The following VEZF1 variants were observed in gnomAD, a reference collection of about 807,000 sequenced individuals.
The protein encoded by VEZF1 is putative transcription factor DB1.
VEZF1 carries 5 observed loss-of-function variants against 44.1 expected under a neutral mutation model. The ratio of observed to expected loss-of-function variants is 0.11; its 90% CI spans 0.06 to 0.24. The LOEUF (loss-of-function observed/expected upper bound fraction) is 0.24, where lower values mean the gene tolerates loss of function less well. VEZF1 is among the 10% of genes least tolerant of loss of function. The pLI is 1.00. For synonymous variants in VEZF1, 236 were observed against 233.1 expected (o/e 1.01, Z -0.11); for missense variants, 358 against 641.8 (o/e 0.56, Z 4.78).
intron 5 of VEZF1, 107 bp from the exon 6 acceptor site, chr17:57,975,007 T>C: frequency 1.6e-6 from 2 of 1,280,390 alleles, no homozygotes; most frequent in East Asian, 5.0e-5. Flanking sequence ...ATTTAATAAA[T>C]CAAATTCCAG....
intron 4 of VEZF1, 112 bp downstream of exon 4, chr17:57,980,491 G>T: frequency 9.8e-7 from 1 of 1,020,880 alleles, no homozygotes; most frequent in Non-Finnish European, 1.5e-6. Flanking sequence ...GCACATGTTG[G>T]CAATAGGAGG....
rs999269880 is a variant in VEZF1 at position 57,972,141 on chromosome 17, T to A, written c.*2332A>T. On this transcript the variant is annotated 3_prime_UTR_variant, in exon 6 of 6. Transcript: ENST00000581208. ...AATGAAGTCTCACTCCTGTTTATTATACAATGAATTGATAAAACAATTACT... is the reference window on the plus strand; with the variant it reads ...AATGAAGTCTCACTCCTGTTTATTAAACAATGAATTGATAAAACAATTACT... 2.6e-5 allele frequency: 4 copies of A among 152,650 alleles called. No individual in the cohort carries two copies. The highest frequency in any genetic ancestry group is 5.9e-5 in the Non-Finnish European group (4 of 68,032). 9.5% of individuals were successfully genotyped at this position (152,650 alleles called of 1,614,324 possible). A position where few individuals can be genotyped will look rare whatever the true frequency, so the allele number is the denominator to read the frequency against.
chr17:57,978,244 AG>A (rs1197414510), intron 5 of VEZF1, among the ~76,000 whole-genome samples: 1 of 152,098 alleles, frequency 6.6e-6, no homozygotes, highest in Non-Finnish European at 1.5e-5. Context: ...ACTCTGAGGA[AG>A]GGAAGAGCCA....
intron 4 of VEZF1, among the ~76,000 whole-genome samples, chr17:57,979,617 C>T (rs546123622): frequency 1.3e-5 from 2 of 149,552 alleles, no homozygotes; most frequent in East Asian, 3.9e-4. Context: ...TAGGACTAAT[C>T]AACATTCAAC....
intron 1 of VEZF1, among the ~76,000 whole-genome samples, chr17:57,986,706 T>C (rs868531779): frequency 6.6e-5 from 10 of 152,306 alleles, no homozygotes; most frequent in Admixed American, 4.6e-4. Flanking sequence ...GTCTACACAG[T>C]AGGTAATTTC....
intron 5 of VEZF1, 44 bp from the exon 6 acceptor site, chr17:57,974,944 A>G: frequency 1.9e-6 from 3 of 1,548,056 alleles, no homozygotes; most frequent in Non-Finnish European, 2.6e-6. Flanking sequence ...CAAAACAGTG[A>G]GCAAAATTCA....
intron 4 of VEZF1, among the ~76,000 whole-genome samples, chr17:57,980,324 AT>A (rs1165450568): frequency 1.3e-5 from 2 of 152,242 alleles, no homozygotes; most frequent in Non-Finnish European, 2.9e-5. Context: ...TCAAGTGGAT[AT>A]GATATCTCAT....
rs766462299 is a variant in VEZF1 at position 57,983,189 on chromosome 17, T to C, written c.238A>G (p.Ser80Gly). 3.7e-6 allele frequency: 6 copies of C among 1,613,996 alleles called. No individual in the cohort carries two copies. The highest frequency in any genetic ancestry group is 5.1e-6 in the Non-Finnish European group (6 of 1,179,996). The stretch of plus-strand genomic sequence containing the variant: ...TGATAGCTGTCCCTGAAAGCTTTAC[T>C]GCAGTAAGTGCACACAAATGAAGTT... Reference protein sequence around the residue: ...PKTSFVCTYCSKAFRDSYHLR... With the variant: ...PKTSFVCTYCGKAFRDSYHLR... The change falls in exon 2 of 6, where the codon AGT (serine) becomes GGT (glycine). Residue 80 changes from serine to glycine, a missense_variant. By Grantham distance (56) the Ser-to-Gly change is moderately conservative. This residue lies in a region of VEZF1 where 117 missense variants were observed against 207.2 expected (regional missense o/e 0.56). Coordinates refer to ENST00000581208, the MANE Select transcript of VEZF1 (RefSeq NM_007146.3).
At chr17:57,987,010 A>G (rs964585312) in intron 1 of VEZF1, among the ~76,000 whole-genome samples, 1 of 152,254 alleles carries the variant, frequency 6.6e-6, no homozygotes, top group Non-Finnish European at 1.5e-5. Context: ...TAGGAAAAAA[A>G]TAAGTTCCAG....
chr17:57,981,781 A>C, intron 3 of VEZF1, 92 bp downstream of exon 3: 1 of 1,221,000 alleles, frequency 8.2e-7, no homozygotes, highest in Non-Finnish European at 1.2e-6. Flanking sequence ...TGATTTTAAG[A>C]CTATTCAAGA....
At chr17:57,981,480 C>T (rs1214946036) in intron 3 of VEZF1, among the ~76,000 whole-genome samples, 1 of 152,084 alleles carries the variant, frequency 6.6e-6, no homozygotes, top group Non-Finnish European at 1.5e-5. Flanking sequence ...TAAGTGGTAA[C>T]ATTTGGGAGA....
At chr17:57,984,027 T>C (rs2075274213) in intron 1 of VEZF1, among the ~76,000 whole-genome samples, 1 of 152,240 alleles carries the variant, frequency 6.6e-6, no homozygotes, top group African/African-American at 2.4e-5. Flanking sequence ...GGAAGGCATC[T>C]GTGAAGGCAG....
chr17:57,974,820 C>T lies in VEZF1; in HGVS notation c.1219G>A (p.Val407Met), dbSNP rs2075172724. 1.2e-6 allele frequency: 2 copies of T among 1,614,060 alleles called. No individual in the cohort carries two copies. Among genetic ancestry groups the T allele is most frequent in the Non-Finnish European group, 1.7e-6 (2 of 1,180,052 alleles). ...GGGTTTGACATAGTCCCAGACGACA[C>T]AGAGGATGTTATACTGAATGGAGTA... The part of the protein sequence containing the change: ...LTTPFSITSS[V>M]SSGTMSNPVT... The change falls in exon 6 of 6, where the codon GTG becomes ATG. Residue 407 changes from valine (V) to methionine (M), a missense_variant. Physicochemically the swap from Val to Met is conservative, Grantham distance 21. Coordinates refer to ENST00000581208, the MANE Select transcript of VEZF1 (RefSeq NM_007146.3).
rs1253820516 is a variant in VEZF1, at chr17:57,974,887, C to A, written c.1152G>T (p.Leu384=). The A allele has an allele frequency of 1.2e-6, 2 of 1,606,352 alleles. No individual in the cohort carries two copies. Among genetic ancestry groups the A allele is most frequent in the African/African-American group, 1.3e-5 (1 of 74,696 alleles). ...TCGTAGCAGCCGTGGAGGTTTGGCA[C>A]AGGTTAGCAGCTTCTAAAATAAGAA... ...VKARKKEAAN[L]CQTSTAATTP... Residue 384 remains leucine (L), a synonymous_variant, in exon 6 of 6, where the codon CTG becomes CTT. Coordinates refer to ENST00000581208, the MANE Select transcript of VEZF1 (RefSeq NM_007146.3).
Position 57,980,607 on chromosome 17 carries a change from A to G in VEZF1, c.972T>C (p.Ser324=). ...INCNTCKQGI[S]KTCMSEETSN... Reference sequence around the variant, plus strand: ...AAAATCTGAAGCACCACCTACTTTTACTGATGCCTTGTTTACATGTATTAC... The same window carrying G: ...AAAATCTGAAGCACCACCTACTTTTGCTGATGCCTTGTTTACATGTATTAC... Residue 324 remains serine, a synonymous_variant, in exon 4 of 6, where the codon AGT becomes AGC. Coordinates refer to ENST00000581208, the MANE Select transcript of VEZF1 (RefSeq NM_007146.3). 1 of 1,612,306 alleles carries G rather than the reference A, an allele frequency of 6.2e-7. No individual in the cohort carries two copies. The highest frequency in any genetic ancestry group is 8.5e-7 in the Non-Finnish European group (1 of 1,179,848).
chr17:57,983,545 G>C, intron 1 of VEZF1, 152 bp from the exon 2 acceptor site: 1 of 696,646 alleles, frequency 1.4e-6, no homozygotes, highest in South Asian at 2.0e-5. Flanking sequence ...GTTACTCTAA[G>C]AGCTCACAAT....
In VEZF1 at chr17:57,973,171, T is replaced by C. The variant is rs1265898492; in HGVS notation, c.*1302A>G. 6.6e-6 allele frequency: 1 copy of C among 152,190 alleles called. No homozygotes were observed. The highest frequency in any genetic ancestry group is 1.9e-4 in the East Asian group (1 of 5,200). 9.4% of individuals were successfully genotyped at this position (152,190 alleles called of 1,614,324 possible). On this transcript the variant is annotated 3_prime_UTR_variant, in exon 6 of 6. Coordinates refer to ENST00000581208, the MANE Select transcript of VEZF1 (RefSeq NM_007146.3). ...TTTCCCTAGCTTTTGGTTTCTACTTTATGTACAGAGATAAAATATCTTGCT... is the reference window on the plus strand; with the variant it reads ...TTTCCCTAGCTTTTGGTTTCTACTTCATGTACAGAGATAAAATATCTTGCT...
In VEZF1 at chr17:57,983,246, C is replaced by A; in HGVS notation, c.181G>T (p.Asp61Tyr). The A allele has an allele frequency of 6.2e-7, 1 of 1,614,016 alleles. No homozygotes were observed. Among genetic ancestry groups the A allele is most frequent in the Non-Finnish European group, 8.5e-7 (1 of 1,180,018 alleles). Residue 61 changes from aspartate to tyrosine, a missense_variant, in exon 2 of 6, where the codon GAT becomes TAT. By Grantham distance (160) the Asp-to-Tyr change is radical. Around this residue, in one of 4 missense-constraint regions of VEZF1, gnomAD observed 117 missense variants for 207.2 expected, o/e 0.56. Transcript: ENST00000581208. ...KPQGAPETLK[D>Y]AIGIKKEKPK... The stretch of plus-strand genomic sequence containing the variant: ...TTTTCTTTTTTAATCCCAATGGCAT[C>A]CTTTAATGTTTCTGGTGCACCCTGA...
In VEZF1 at chr17:57,983,162, G is replaced by A. The variant is rs932517741; in HGVS notation, c.265C>T (p.Leu89=). The change falls in exon 2 of 6, where the codon CTG becomes TTG. Residue 89 remains leucine (L), a synonymous_variant. Transcript: ENST00000581208. ...CSKAFRDSYH[L]RRHESCHTGI... is the part of the protein sequence containing the mutation. ...GTGTGGCAGGATTCGTGGCGCCTCA[G>A]GTGATAGCTGTCCCTGAAAGCTTTA... 4 of 1,614,016 alleles carry A rather than the reference G, an allele frequency of 2.5e-6. No homozygotes were observed. The highest frequency in any genetic ancestry group is 1.3e-5 in the African/African-American group (1 of 74,922).
Sources: gnomAD v4.1 joint callset for allele counts (sites outside exome capture counted in the v4.1 genomes callset) on GRCh38, gnomAD v4.1.1 for gene constraint, gnomAD v4.1.1 regional missense constraint, MANE v1.5 for transcripts, NCBI Gene and HGNC (gene_info 2026-07-23, HGNC 2026-07-21) for gene names.